The following MFHAS1 variants were observed in gnomAD, a reference collection of about 807,000 sequenced individuals.
MFHAS1 encodes the protein multifunctional ROCO family signaling regulator 1.
Under a neutral mutation model 70.4 loss-of-function variants are expected in MFHAS1, and 50 were observed. The observed-to-expected ratio is 0.71, with a 90% confidence interval of 0.57 to 0.90. The LOEUF (loss-of-function observed/expected upper bound fraction) is 0.90. Among genes scored for constraint, MFHAS1 ranks in the 40% least tolerant of loss-of-function variants. MFHAS1 has a pLI of 0.00. For missense variants in MFHAS1, 1,795 were observed against 1,347.6 expected (o/e 1.33, Z -5.20); for synonymous variants, 952 against 620.0 (o/e 1.54, Z -7.96).
intron 1 of MFHAS1, among the ~76,000 whole-genome samples, chr8:8,848,092 C>T (rs1414593998): frequency 1.3e-5 from 2 of 152,230 alleles, no homozygotes; most frequent in African/African-American, 2.4e-5. Flanking sequence ...GGACAATCAT[C>T]TGGGACGGCT....
At chr8:8,841,249 C>T (rs1041748522) in intron 1 of MFHAS1, among the ~76,000 whole-genome samples, 6 of 152,064 alleles carry the variant, frequency 3.9e-5, no homozygotes, top group South Asian at 2.1e-4. Context: ...CCGAGGCAGG[C>T]GGATCACCTG....
intron 1 of MFHAS1, among the ~76,000 whole-genome samples, chr8:8,839,063 A>T (rs1473163561): frequency 1.3e-5 from 2 of 152,148 alleles, no homozygotes; most frequent in Non-Finnish European, 2.9e-5. Context: ...ATATTGACAA[A>T]CTAGACCACT....
intron 1 of MFHAS1, chr8:8,859,975 A>G (rs1808600102): frequency 6.6e-6 from 1 of 152,210 alleles, no homozygotes; most frequent in African/African-American, 2.4e-5. Flanking sequence ...TAACTTACCC[A>G]TCAGGACTGC....
intron 2 of MFHAS1, among the ~76,000 whole-genome samples, chr8:8,795,163 G>T (rs1805847804): frequency 1.3e-5 from 2 of 152,016 alleles, no homozygotes. Flanking sequence ...TACCTTGCTG[G>T]TTCTGTAATA....
At chr8:8,842,953 G>C (rs1395402591) in intron 1 of MFHAS1, among the ~76,000 whole-genome samples, 1 of 152,212 alleles carries the variant, frequency 6.6e-6, no homozygotes, top group East Asian at 1.9e-4. Context: ...CAAAAGAGTA[G>C]TATCTGGTTA....
intron 1 of MFHAS1, among the ~76,000 whole-genome samples, chr8:8,887,878 A>C (rs577156377): frequency 6.7e-6 from 1 of 148,174 alleles, no homozygotes; most frequent in African/African-American, 2.5e-5. Flanking sequence ...AAAAAAAAAA[A>C]CCTCCAGCCT....
rs2117234487 is a variant in MFHAS1, at chr8:8,784,440, C to T, written c.*1582G>A. ...AAAAAATGCAAACATCGTCTGATCC[C>T]ATTCGATTTTTATCATCATAAGAAA... On this transcript the variant is annotated 3_prime_UTR_variant, in exon 3 of 3. Coordinates refer to ENST00000276282, the MANE Select transcript of MFHAS1 (RefSeq NM_004225.3). The T allele has an allele frequency of 1.3e-5, 2 of 152,278 alleles. No individual in the cohort carries two copies. Among genetic ancestry groups the T allele is most frequent in the Middle Eastern group, 6.8e-3 (2 of 294 alleles). The allele number at this position is 152,278 out of a possible 1,614,324, so 9.4% of individuals were successfully genotyped here. A position where few individuals can be genotyped will look rare whatever the true frequency, so the allele number is the denominator to read the frequency against.
chr8:8,881,855 C>A (rs1809538842), intron 1 of MFHAS1, among the ~76,000 whole-genome samples: 1 of 151,570 alleles, frequency 6.6e-6, no homozygotes. Context: ...GCCAGTGAAC[C>A]ATCAGCTTTG....
At chr8:8,859,040 G>A (rs1168382304) in intron 1 of MFHAS1, among the ~76,000 whole-genome samples, 3 of 152,172 alleles carry the variant, frequency 2.0e-5, no homozygotes, top group Admixed American at 1.3e-4. Context: ...CAATAAGTTT[G>A]AAAAATGCTT....
chr8:8,890,629 AT>A lies in MFHAS1; in HGVS notation c.2429del (p.His810LeufsTer32). 1 of 1,613,872 alleles carries A rather than the reference AT, an allele frequency of 6.2e-7. No individual in the cohort carries two copies. Among genetic ancestry groups the A allele is most frequent in the Non-Finnish European group, 8.5e-7 (1 of 1,179,938 alleles). On this transcript the variant is annotated frameshift_variant, in exon 1 of 3. Transcript: ENST00000276282. LOFTEE classifies it high-confidence loss of function. ...GCTGCAAGTCCTGCTGGGCCTGGACATGAGGCTTAAGCAGCAACCGAATGAC... is the reference window on the plus strand; with the variant it reads ...GCTGCAAGTCCTGCTGGGCCTGGACAGAGGCTTAAGCAGCAACCGAATGAC... ...AHVIRLLLKPHVQAQQDLQLL... is the reference protein window; with the variant it reads ...AHVIRLLLKPXVQAQQDLQLL...
intron 2 of MFHAS1, among the ~76,000 whole-genome samples, chr8:8,786,873 A>G (rs542525975): frequency 1.7e-4 from 26 of 152,086 alleles, no homozygotes; most frequent in Non-Finnish European, 3.4e-4. Context: ...TCCATACAAG[A>G]TTCAGTCATG....
intron 1 of MFHAS1, among the ~76,000 whole-genome samples, chr8:8,887,395 T>C (rs1362484091): frequency 5.9e-5 from 9 of 152,180 alleles, no homozygotes; most frequent in African/African-American, 9.6e-5. Flanking sequence ...AAGAGGAAAA[T>C]GTTTTTTGCA....
At chr8:8,844,810 C>T (rs1324001670) in intron 1 of MFHAS1, among the ~76,000 whole-genome samples, 1 of 152,194 alleles carries the variant, frequency 6.6e-6, no homozygotes, top group African/African-American at 2.4e-5. Flanking sequence ...ACTACTACTA[C>T]ATCAAAACAG....
At chr8:8,878,370 T>C (rs1333162734) in intron 1 of MFHAS1, among the ~76,000 whole-genome samples, 3 of 152,140 alleles carry the variant, frequency 2.0e-5, no homozygotes, top group Non-Finnish European at 2.9e-5. Context: ...GCAAAGACAG[T>C]AATAATACCT....
chr8:8,853,521 C>A (rs1465979302), intron 1 of MFHAS1, among the ~76,000 whole-genome samples: 1 of 149,332 alleles, frequency 6.7e-6, no homozygotes, highest in East Asian at 1.9e-4. Context: ...TAGTGCCTGG[C>A]ACGTACAAGG....
chr8:8,795,911 G>A (rs1435836181), intron 2 of MFHAS1, among the ~76,000 whole-genome samples: 1 of 152,292 alleles, frequency 6.6e-6, no homozygotes, highest in East Asian at 1.9e-4. Context: ...GGCCAGCTAG[G>A]AAGAAAGAGT....
At chr8:8,872,251 G>C (rs907183) in intron 1 of MFHAS1, among the ~76,000 whole-genome samples, 84,089 of 152,064 alleles carry the variant, frequency 0.55, 24,129 homozygotes, top group East Asian at 0.85. Context: ...TAACAAAGAG[G>C]AATGTACACC....
intron 1 of MFHAS1, among the ~76,000 whole-genome samples, chr8:8,876,564 G>A (rs529050521): frequency 2.0e-5 from 3 of 151,948 alleles, no homozygotes; most frequent in South Asian, 2.1e-4. Context: ...GTGAAACCCC[G>A]TCTCTATTAA....
At chr8:8,815,974 G>GC (rs1806726964) in intron 1 of MFHAS1, among the ~76,000 whole-genome samples, 1 of 152,230 alleles carries the variant, frequency 6.6e-6, no homozygotes, top group East Asian at 1.9e-4. Context: ...TATCTAGGAA[G>GC]GAAAAGGAAT....
Sources: gnomAD v4.1 joint callset for allele counts (sites outside exome capture counted in the v4.1 genomes callset) on GRCh38, gnomAD v4.1.1 for gene constraint, MANE v1.5 for transcripts, NCBI Gene and HGNC (gene_info 2026-07-23, HGNC 2026-07-21) for gene names.